The following MYOM2 variants were observed in gnomAD, a reference collection of about 807,000 sequenced individuals.
The protein encoded by MYOM2 is myomesin-2.
Under a neutral mutation model 187.6 loss-of-function variants are expected in MYOM2, and 254 were observed. That is an observed-to-expected ratio of 1.35 (90% CI 1.22 to 1.50). The LOEUF is 1.50. Ranked by LOEUF, MYOM2 falls within the 40% of genes most tolerant of loss-of-function variation. The pLI, the probability that MYOM2 is intolerant of heterozygous loss-of-function variation, is 0.00. For missense variants in MYOM2, 2,796 were observed against 1,924.0 expected, an observed-to-expected ratio of 1.45 and a Z score of -8.48; for synonymous variants, 981 against 753.8, an observed-to-expected ratio of 1.30 and a Z score of -4.94.
Position 2,094,006 on chromosome 8 carries a change from C to T in MYOM2, c.2040C>T (p.Tyr680=), listed in dbSNP as rs770334127. Residue 680 remains tyrosine, a synonymous_variant, in exon 17 of 37, where the codon TAC becomes TAT. Coordinates refer to ENST00000262113, the MANE Select transcript of MYOM2 (RefSeq NM_003970.4). ...VVHGLTTGEQ[Y]IFRVKAVNAV... ...ACGGCTTAACCACGGGAGAGCAGTACATCTTCCGAGTCAAGGCGGTCAATG... is the reference window on the plus strand; with the variant it reads ...ACGGCTTAACCACGGGAGAGCAGTATATCTTCCGAGTCAAGGCGGTCAATG... 2 of 1,614,162 alleles carry T rather than the reference C, an allele frequency of 1.2e-6. No homozygotes were observed. The highest frequency in any genetic ancestry group is 4.5e-5 in the East Asian group (2 of 44,884).
At chr8:2,131,866 A>G (rs1038599667) in intron 32 of MYOM2, among the ~76,000 whole-genome samples, 7 of 151,938 alleles carry the variant, frequency 4.6e-5, no homozygotes, top group Non-Finnish European at 7.4e-5. Context: ...GATGGCCTCA[A>G]TCTCCTGACC....
chr8:2,127,488 C>T (rs74210550), intron 31 of MYOM2, among the ~76,000 whole-genome samples: 11,516 of 152,334 alleles, frequency 0.076, 662 homozygotes, highest in South Asian at 0.17. Context: ...GTCATTTCCT[C>T]CCCTGTTGTC....
rs749366245 is a variant in MYOM2 at position 2,092,439 on chromosome 8, T to A, written c.1922T>A (p.Leu641Gln). The A allele has an allele frequency of 6.2e-7, 1 of 1,614,208 alleles. No individual in the cohort carries two copies. ...QWDRPKHEED[L>Q]LGYYVDCCVA... is the part of the protein sequence containing the mutation. ...GACCGACCTAAGCATGAGGAGGACC[T>A]GCTGGGCTACTACGTGGACTGCTGT... The change falls in exon 16 of 37, where the codon CTG (leucine) becomes CAG (glutamine). Residue 641 changes from leucine (L) to glutamine (Q), a missense_variant. Physicochemically the swap from Leu to Gln is moderately radical, Grantham distance 113. Coordinates refer to ENST00000262113, the MANE Select transcript of MYOM2 (RefSeq NM_003970.4).
rs1396202015 is a variant in MYOM2, at chr8:2,144,888, G to A, written c.4305G>A (p.Val1435=). ...GGEKIDVTVS[V]YKHGEKIPDM... ...AGAAGATCGACGTGACAGTGAGCGT[G>A]TACAAACACGGGGAGAAGATCCCGG... The change falls in exon 37 of 37, where the codon GTG becomes GTA. Residue 1435 remains valine (V), a synonymous_variant. Transcript: ENST00000262113. The A allele has an allele frequency of 1.4e-5, 22 of 1,614,132 alleles. No individual in the cohort carries two copies. The highest frequency in any genetic ancestry group is 1.8e-5 in the Non-Finnish European group (21 of 1,180,030).
At chr8:2,092,942 G>A (rs923288554) in intron 16 of MYOM2, among the ~76,000 whole-genome samples, 12 of 152,048 alleles carry the variant, frequency 7.9e-5, no homozygotes, top group Middle Eastern at 3.4e-3. Flanking sequence ...AGACCCCACC[G>A]GGCGCCGACT....
At chr8:2,138,100 A>G (rs1798144172) in intron 32 of MYOM2, among the ~76,000 whole-genome samples, 1 of 152,194 alleles carries the variant, frequency 6.6e-6, no homozygotes, top group African/African-American at 2.4e-5. Flanking sequence ...CAATCCCTTT[A>G]GTAATAGCGA....
intron 6 of MYOM2, among the ~76,000 whole-genome samples, chr8:2,069,058 C>A (rs574384322): frequency 6.6e-6 from 1 of 152,244 alleles, no homozygotes; most frequent in African/African-American, 2.4e-5. Flanking sequence ...GCCGAAACTG[C>A]ACCATCTTCT....
At chr8:2,125,733 G>T (rs1011557290) in intron 31 of MYOM2, among the ~76,000 whole-genome samples, 1 of 145,572 alleles carries the variant, frequency 6.9e-6, no homozygotes, top group Non-Finnish European at 1.5e-5. Flanking sequence ...TCAGTCTCCA[G>T]AGTAGCTGGG....
intron 21 of MYOM2, among the ~76,000 whole-genome samples, chr8:2,105,453 A>G (rs1796858329): frequency 1.3e-5 from 2 of 152,126 alleles, no homozygotes. Flanking sequence ...AATAAACCAC[A>G]AACAACCCCT....
chr8:2,066,922 T>C (rs1272593498), intron 6 of MYOM2, among the ~76,000 whole-genome samples: 1 of 152,244 alleles, frequency 6.6e-6, no homozygotes, highest in African/African-American at 2.4e-5. Flanking sequence ...GATGGCTTTG[T>C]AGTTCGGCTT....
chr8:2,100,079 T>TCC (rs1796637871), intron 19 of MYOM2, among the ~76,000 whole-genome samples: 5 of 55,952 alleles, frequency 8.9e-5, no homozygotes, highest in Non-Finnish European at 1.7e-4. Flanking sequence ...TTTCCTTCCT[T>TCC]TCTTCTTTCC....
intron 8 of MYOM2, 98 bp from the exon 9 acceptor site, chr8:2,072,247 A>C (rs1200861208): frequency 6.9e-5 from 27 of 391,632 alleles, no homozygotes; most frequent in Non-Finnish European, 6.6e-5. Context: ...CCCCGCCCCC[A>C]AAAAAGAAAG....
chr8:2,099,131 C>A, intron 19 of MYOM2, 148 bp downstream of exon 19: 7 of 1,108,806 alleles, frequency 6.3e-6, no homozygotes, highest in Non-Finnish European at 8.7e-6. Context: ...GCGCCAGGCG[C>A]CGTGCAGGGC....
chr8:2,110,671 T>A (rs935454655), intron 25 of MYOM2, among the ~76,000 whole-genome samples: 21 of 152,244 alleles, frequency 1.4e-4, no homozygotes, highest in African/African-American at 5.1e-4. Flanking sequence ...CAGTGTTGAT[T>A]GGTTTGTTCA....
chr8:2,109,517 GTC>G lies in MYOM2; in HGVS notation c.3170_3171del (p.Ser1057Ter). 1 of 1,611,402 alleles carries G rather than the reference GTC, an allele frequency of 6.2e-7. No homozygotes were observed. Among genetic ancestry groups the G allele is most frequent in the African/African-American group, 1.3e-5 (1 of 74,828 alleles). On this transcript the variant is annotated frameshift_variant, in exon 25 of 37. Coordinates refer to ENST00000262113, the MANE Select transcript of MYOM2 (RefSeq NM_003970.4). LOFTEE classifies it high-confidence loss of function. ...CCGATTTATTATTAACGACAGAGAA[GTC>G]TCTGACAGCGAGGTGAGTTCCTGTG... ...SYRFIINDRE[V>X]SDSEIHRIKC...
intron 19 of MYOM2, among the ~76,000 whole-genome samples, chr8:2,099,433 C>T (rs1013424826): frequency 2.0e-5 from 3 of 151,786 alleles, no homozygotes; most frequent in Admixed American, 6.6e-5. Context: ...CTCCTGCAGT[C>T]CTCTCAGGCC....
intron 20 of MYOM2, 128 bp downstream of exon 20, chr8:2,101,182 C>G: frequency 1.1e-6 from 1 of 903,016 alleles, no homozygotes; most frequent in Non-Finnish European, 1.6e-6. Context: ...CCCGTCTCTA[C>G]TAAAAATACA....
chr8:2,139,166 T>G (rs10110527), intron 32 of MYOM2, among the ~76,000 whole-genome samples: 65,873 of 151,718 alleles, frequency 0.43, 15,439 homozygotes, highest in African/African-American at 0.63. Context: ...TTTGAGACAG[T>G]GTCTCGCTCT....
At chr8:2,143,366 G>A (rs756037048) in intron 35 of MYOM2, 35 bp from the exon 36 acceptor site, 31 of 1,613,968 alleles carry the variant, frequency 1.9e-5, no homozygotes, top group Non-Finnish European at 2.5e-5. Flanking sequence ...ACGTCCCGCA[G>A]ATGTTTTCCT....
Sources: allele counts gnomAD v4.1 joint callset (sites outside exome capture counted in the v4.1 genomes callset), GRCh38; gene constraint gnomAD v4.1.1; transcripts MANE v1.5; gene names NCBI Gene and HGNC (gene_info 2026-07-23, HGNC 2026-07-21).